Variants in ZFHX3 observed in about 807,000 individuals in gnomAD.
ZFHX3 encodes the protein zinc finger homeobox protein 3.
In ZFHX3, 42 loss-of-function variants were observed where a neutral mutation model predicts 279.1. The observed-to-expected ratio is 0.15, with a 90% CI of 0.12 to 0.19. The LOEUF is 0.19. Among genes scored for constraint, ZFHX3 ranks in the 10% least tolerant of loss-of-function variants. ZFHX3 has a pLI of 1.00. For synonymous variants in ZFHX3, 2,293 were observed against 1,957.8 expected, an observed-to-expected ratio of 1.17 and a Z score of -4.52; for missense variants, 4,981 against 4,754.0, an observed-to-expected ratio of 1.05 and a Z score of -1.40.
intron 2 of ZFHX3, among the ~76,000 whole-genome samples, chr16:73,512,272 C>CAA (rs3087038): frequency 5.7e-5 from 5 of 87,840 alleles, no homozygotes; most frequent in Admixed American, 2.6e-4. Context: ...CACTAAAATA[C>CAA]AAAAAAAAAA....
chr16:73,696,620 C>A (rs1015551596), intron 1 of ZFHX3, among the ~76,000 whole-genome samples: 4 of 152,196 alleles, frequency 2.6e-5, no homozygotes, highest in African/African-American at 9.7e-5. Flanking sequence ...TTGCTCAGCT[C>A]CAAATTCATT....
chr16:73,541,321 C>T (rs11643377), intron 2 of ZFHX3, among the ~76,000 whole-genome samples: 10,258 of 151,938 alleles, frequency 0.068, 395 homozygotes, highest in Non-Finnish European at 0.089. Context: ...CTCATCTCTA[C>T]GACAAATTTA....
At chr16:73,229,991 T>C (rs113138991) in intron 5 of ZFHX3, among the ~76,000 whole-genome samples, 2 of 152,060 alleles carry the variant, frequency 1.3e-5, no homozygotes, top group African/African-American at 4.8e-5. Flanking sequence ...GATTAATGAA[T>C]AGATAGAAAA....
intron 8 of ZFHX3, among the ~76,000 whole-genome samples, chr16:73,073,618 C>T (rs1250491171): frequency 6.6e-6 from 1 of 152,192 alleles, no homozygotes; most frequent in Non-Finnish European, 1.5e-5. Context: ...CCTGCCTCAG[C>T]TTCCCAAGCA....
intron 5 of ZFHX3, among the ~76,000 whole-genome samples, chr16:73,173,554 TC>T (rs1967590099): frequency 6.6e-6 from 1 of 152,052 alleles, no homozygotes; most frequent in East Asian, 1.9e-4. Context: ...CTTAAAGTCT[TC>T]CCCGGACAGT....
At chr16:73,349,604 C>A (rs2016186474) in intron 3 of ZFHX3, among the ~76,000 whole-genome samples, 1 of 141,380 alleles carries the variant, frequency 7.1e-6, no homozygotes, top group South Asian at 2.2e-4. Flanking sequence ...CTCTCTCTCT[C>A]CCTTACTTCC....
chr16:72,792,577 G>A (rs1037408298), intron 9 of ZFHX3, among the ~76,000 whole-genome samples: 26 of 151,926 alleles, frequency 1.7e-4, no homozygotes, highest in Admixed American at 3.3e-4. Flanking sequence ...TCAGCCTCCC[G>A]AATAGCTGGG....
At chr16:73,321,591 G>C (rs1386367502) in intron 3 of ZFHX3, among the ~76,000 whole-genome samples, 1 of 152,174 alleles carries the variant, frequency 6.6e-6, no homozygotes, top group South Asian at 2.1e-4. Flanking sequence ...ACAGGTCAAC[G>C]GCTATTCACC....
intron 3 of ZFHX3, among the ~76,000 whole-genome samples, chr16:73,418,968 A>G (rs1426787420): frequency 1.3e-5 from 2 of 152,190 alleles, no homozygotes; most frequent in East Asian, 1.9e-4. Flanking sequence ...ATCTCGTGGA[A>G]GATTAACATG....
intron 2 of ZFHX3, among the ~76,000 whole-genome samples, chr16:73,484,782 C>T (rs1044055387): frequency 1.3e-5 from 2 of 152,178 alleles, no homozygotes; most frequent in African/African-American, 4.8e-5. Flanking sequence ...TCTGGAAATA[C>T]GATGTCTTTC....
chr16:73,459,505 G>A (rs1184009692), intron 2 of ZFHX3, among the ~76,000 whole-genome samples: 1 of 152,128 alleles, frequency 6.6e-6, no homozygotes, highest in East Asian at 1.9e-4. Flanking sequence ...TGGGATTACA[G>A]GCACATGCCA....
At chr16:73,671,525 C>T (rs1202933202) in intron 2 of ZFHX3, among the ~76,000 whole-genome samples, 1 of 152,172 alleles carries the variant, frequency 6.6e-6, no homozygotes, top group East Asian at 1.9e-4. Flanking sequence ...TGCATATTTT[C>T]TTTGCTGAAA....
rs564218913 is a variant in ZFHX3 at position 73,319,416 on chromosome 16, C to A, written c.-1290-1080G>T. Among the ~76,000 whole-genome samples, 3 of 152,224 alleles carry A rather than the reference C, an allele frequency of 2.0e-5. 1 individual carries two copies. In the South Asian group the frequency reaches 6.2e-4, roughly 32 times the overall value. On this transcript the variant is annotated intron_variant, in intron 3 of 17. Transcript: ENST00000641206. Reference sequence around the variant, plus strand: ...GGGGATAGGGAAGGAGAATCCACATCTTTAATTGGGTCTAATTCGGGTCCC... The same window carrying A: ...GGGGATAGGGAAGGAGAATCCACATATTTAATTGGGTCTAATTCGGGTCCC...
At chr16:73,058,339 A>G (rs1252794192) in intron 1 of ZFHX3, among the ~76,000 whole-genome samples, 1 of 145,110 alleles carries the variant, frequency 6.9e-6, no homozygotes, top group Non-Finnish European at 1.5e-5. Flanking sequence ...GCGAGCGAGC[A>G]GGGCGCGGGC....
At chr16:73,223,242 T>G (rs2012481418) in intron 5 of ZFHX3, among the ~76,000 whole-genome samples, 2 of 152,098 alleles carry the variant, frequency 1.3e-5, no homozygotes, top group South Asian at 4.1e-4. Context: ...AAATTAAAAT[T>G]TTCTGCTGTG....
At chr16:73,093,682 T>C in intron 7 of ZFHX3, 1 of 375,844 alleles carries the variant, frequency 2.7e-6, no homozygotes, top group South Asian at 2.0e-5. Context: ...GCTGATTAAA[T>C]ACAGGACATT....
chr16:73,000,562 G>C (rs985191181), intron 1 of ZFHX3, among the ~76,000 whole-genome samples: 5 of 152,202 alleles, frequency 3.3e-5, no homozygotes, highest in Non-Finnish European at 5.9e-5. Context: ...CACACAAAAA[G>C]GGACAACTTC....
In ZFHX3 at chr16:72,794,885, G is replaced by A. The variant is rs748210041; in HGVS notation, c.7797C>T (p.Ser2599=). The change falls in exon 9 of 10, where the codon AGC becomes AGT. Residue 2599 remains serine (S), a synonymous_variant. Coordinates refer to ENST00000268489, the MANE Select transcript of ZFHX3 (RefSeq NM_006885.4). This position sits in a 1 kb window ranked among gnomAD's most constrained non-coding sequence, Gnocchi z 4.2. ...LSGAIPQIPA[S]SATSPSTPTS... ...TTGGAGTTGAAGGAGAAGTGGCTGA[G>A]CTTGCTGGAATCTGAGGTATGGCCC... 1.9e-6 allele frequency: 3 copies of A among 1,613,932 alleles called. No individual in the cohort carries two copies. The highest frequency in any genetic ancestry group is 3.3e-5 in the Admixed American group (2 of 60,004).
intron 3 of ZFHX3, among the ~76,000 whole-genome samples, chr16:72,896,096 C>G (rs909428411): frequency 6.6e-6 from 1 of 152,174 alleles, no homozygotes; most frequent in African/African-American, 2.4e-5. Context: ...CAACGATCTC[C>G]AAGTCCTCCA....
Sources: allele counts gnomAD v4.1 joint callset (sites outside exome capture counted in the v4.1 genomes callset), GRCh38; gene constraint gnomAD v4.1.1; non-coding constraint Gnocchi (gnomAD v3.1); transcripts MANE v1.5; gene names NCBI Gene and HGNC (gene_info 2026-07-23, HGNC 2026-07-21).